The following GRIA1 variants were observed in gnomAD, a reference collection of about 807,000 sequenced individuals.
The protein encoded by GRIA1 is glutamate ionotropic receptor AMPA type subunit 1, also known as glutamate receptor 1.
GRIA1 carries 31 observed loss-of-function variants against 99.2 expected under a neutral mutation model. The ratio of observed to expected loss-of-function variants is 0.31; its 90% CI spans 0.23 to 0.42. GRIA1 has a LOEUF of 0.42. Ranked by LOEUF, GRIA1 falls within the 10% of genes least tolerant of loss-of-function variation. GRIA1 has a pLI of 1.00. For synonymous variants in GRIA1, 438 were observed against 432.4 expected (o/e 1.01, Z -0.16); for missense variants, 782 against 1,157.5 (o/e 0.68, Z 4.71).
intron 2 of GRIA1, among the ~76,000 whole-genome samples, chr5:153,581,613 C>G (rs545184679): frequency 6.6e-6 from 1 of 152,296 alleles, no homozygotes; most frequent in African/African-American, 2.4e-5. Flanking sequence ...TCAGTCAGTA[C>G]TTCGCTGACC....
chr5:153,784,068 C>T (rs1764809684), intron 13 of GRIA1, among the ~76,000 whole-genome samples: 1 of 152,184 alleles, frequency 6.6e-6, no homozygotes, highest in African/African-American at 2.4e-5. Context: ...AAAGCACTTT[C>T]CCATCTGTCA....
In GRIA1 at chr5:153,670,407, C is replaced by A. The variant is rs544607281; in HGVS notation, c.700-4093C>A. ...GCTGAATAGCTGGAAAAACACTTGA[C>A]TAACCTGAAAAACAAGTACTCTGTA... On this transcript the variant is annotated intron_variant, in intron 5 of 15. Transcript: ENST00000285900. Among the ~76,000 whole-genome samples the A allele has an allele frequency of 2.6e-5, 4 of 151,570 alleles. No individual in the cohort carries two copies. The East Asian group carries it at 7.7e-4, about 29-fold the overall frequency.
chr5:153,808,937 C>A (rs576293249), intron 15 of GRIA1, among the ~76,000 whole-genome samples: 2 of 152,264 alleles, frequency 1.3e-5, no homozygotes, highest in African/African-American at 4.8e-5. Context: ...TTGGCAAGCA[C>A]CAATGTTGAC....
At chr5:153,578,637 G>A (rs948947543) in intron 2 of GRIA1, among the ~76,000 whole-genome samples, 6 of 152,174 alleles carry the variant, frequency 3.9e-5, no homozygotes, top group African/African-American at 9.7e-5. Context: ...GGCTGGCCGC[G>A]GTGGCTCATG....
rs149073215 is a variant in GRIA1 at position 153,661,265 on chromosome 5, G to T, written c.699+5393G>T. ...GCAGGTGGTATAGTAGTTGGGAAGG[G>T]TGGCTTTGGAGCCAGTTCTGGGTTT... On this transcript the variant is annotated intron_variant, in intron 5 of 15. Coordinates refer to ENST00000285900, the MANE Select transcript of GRIA1 (RefSeq NM_000827.4). Among the ~76,000 whole-genome samples, 420 of 152,328 alleles carry T rather than the reference G, an allele frequency of 2.8e-3. 9 individuals are homozygous for T. Among genetic ancestry groups the T allele is most frequent in the East Asian group, 0.023 (118 of 5,184 alleles).
At chr5:153,557,770 C>T (rs1257498084) in intron 2 of GRIA1, 1 of 152,198 alleles carries the variant, frequency 6.6e-6, no homozygotes, top group Non-Finnish European at 1.5e-5. Flanking sequence ...GGATCACCAA[C>T]ATCACTGTCT....
At chr5:153,615,927 C>T (rs1766455504) in intron 2 of GRIA1, among the ~76,000 whole-genome samples, 1 of 152,204 alleles carries the variant, frequency 6.6e-6, no homozygotes, top group South Asian at 2.1e-4. Context: ...CAAATGTCTT[C>T]ATCCCTTTAT....
chr5:153,575,196 A>AG (rs1302653364), intron 2 of GRIA1, among the ~76,000 whole-genome samples: 20 of 103,932 alleles, frequency 1.9e-4, no homozygotes, highest in East Asian at 6.9e-4. Flanking sequence ...ATCAAGAGAG[A>AG]AAGAGAGAGA....
intron 2 of GRIA1, among the ~76,000 whole-genome samples, chr5:153,566,465 A>G (rs552674394): frequency 1.3e-5 from 2 of 148,798 alleles, no homozygotes; most frequent in South Asian, 4.4e-4. Context: ...CACCATGCCA[A>G]GCTAATTTTT....
At chr5:153,537,066 GA>G (rs2113466852) in intron 2 of GRIA1, among the ~76,000 whole-genome samples, 1 of 152,274 alleles carries the variant, frequency 6.6e-6, no homozygotes, top group African/African-American at 2.4e-5. Context: ...GGTGGCCAGG[GA>G]ACCCTGGGAT....
intron 2 of GRIA1, among the ~76,000 whole-genome samples, chr5:153,607,042 G>GACATATAT (rs371829594): frequency 3.1e-5 from 4 of 127,772 alleles, no homozygotes; most frequent in Non-Finnish European, 6.7e-5. Flanking sequence ...TATCACAAAA[G>GACATATAT]ATATATATAT....
intron 2 of GRIA1, among the ~76,000 whole-genome samples, chr5:153,501,716 G>A (rs1211463500): frequency 4.6e-5 from 7 of 152,190 alleles, no homozygotes; most frequent in African/African-American, 1.4e-4. Flanking sequence ...GAGTCTGGCA[G>A]ATGGGCAGGA....
At chr5:153,622,419 A>G (rs552049747) in intron 2 of GRIA1, among the ~76,000 whole-genome samples, 4 of 152,338 alleles carry the variant, frequency 2.6e-5, no homozygotes, top group Admixed American at 6.5e-5. Context: ...GGTGTGACCC[A>G]AAACATAATC....
intron 2 of GRIA1, among the ~76,000 whole-genome samples, chr5:153,585,213 G>A (rs1047717044): frequency 4.6e-5 from 7 of 150,938 alleles, no homozygotes; most frequent in Admixed American, 2.0e-4. Flanking sequence ...CTATGTGACC[G>A]ACCTTTCTGA....
intron 5 of GRIA1, among the ~76,000 whole-genome samples, chr5:153,659,006 A>AAC (rs72022657): frequency 4.6e-5 from 7 of 151,890 alleles, no homozygotes; most frequent in African/African-American, 1.7e-4. Flanking sequence ...ACAAAAAAAA[A>AAC]ACCTTGTTTT....
chr5:153,502,067 G>T (rs1755057957), intron 2 of GRIA1, among the ~76,000 whole-genome samples: 1 of 152,176 alleles, frequency 6.6e-6, no homozygotes, highest in Non-Finnish European at 1.5e-5. Flanking sequence ...GTCAGCCCTA[G>T]CTCTTATTTT....
At chr5:153,491,091 C>A in intron 1 of GRIA1, 121 bp downstream of exon 1, 2 of 1,100,534 alleles carry the variant, frequency 1.8e-6, no homozygotes, top group Non-Finnish European at 2.7e-6. Context: ...TAAAGCTGTG[C>A]TGCGGTAACA....
intron 2 of GRIA1, among the ~76,000 whole-genome samples, chr5:153,538,998 T>C (rs1040973073): frequency 3.3e-5 from 5 of 152,194 alleles, no homozygotes; most frequent in Non-Finnish European, 7.3e-5. Context: ...ATATCTTCCT[T>C]GGAATGACAC....
intron 11 of GRIA1, among the ~76,000 whole-genome samples, chr5:153,710,049 C>A (rs1212808837): frequency 6.6e-6 from 1 of 152,104 alleles, no homozygotes; most frequent in African/African-American, 2.4e-5. Context: ...TTAAAGACTC[C>A]TCCACCCACC....
Sources: gnomAD v4.1 joint callset for allele counts (sites outside exome capture counted in the v4.1 genomes callset) on GRCh38, gnomAD v4.1.1 for gene constraint, MANE v1.5 for transcripts, NCBI Gene and HGNC (gene_info 2026-07-23, HGNC 2026-07-21) for gene names.